The following SSUH2 variants were observed in gnomAD, a reference collection of about 807,000 sequenced individuals.
SSUH2 encodes ssu-2 homolog.
A neutral mutation model predicts 55.3 loss-of-function variants in SSUH2; 47 were observed. The ratio of observed to expected loss-of-function variants is 0.85; its 90% confidence interval spans 0.67 to 1.08. The LOEUF is 1.08. Ranked by LOEUF, SSUH2 falls within the 50% of genes least tolerant of loss-of-function variation. The pLI, the probability that SSUH2 is intolerant of heterozygous loss-of-function variation, is 0.00. For missense variants in SSUH2, 535 were observed against 490.7 expected, an observed-to-expected ratio of 1.09 and a Z score of -0.85; for synonymous variants, 212 against 191.5, an observed-to-expected ratio of 1.11 and a Z score of -0.89.
chr3:8,628,078 C>G (rs1164862766), intron 7 of SSUH2, among the ~76,000 whole-genome samples: 2 of 152,206 alleles, frequency 1.3e-5, no homozygotes, highest in African/African-American at 4.8e-5. Context: ...TGAGAGGAAG[C>G]TGGGACACAG....
intron 5 of SSUH2, 141 bp downstream of exon 5, chr3:8,631,908 T>C (rs574062805): frequency 1.5e-6 from 1 of 645,434 alleles, no homozygotes; most frequent in Non-Finnish European, 2.8e-6. Context: ...ATCCTCTCAT[T>C]TTGCAGGGGG....
intron 7 of SSUH2, among the ~76,000 whole-genome samples, chr3:8,628,911 A>G (rs952959936): frequency 1.3e-5 from 2 of 152,200 alleles, no homozygotes; most frequent in African/African-American, 4.8e-5. Context: ...GCGGGAGTGC[A>G]GTGGCACGTT....
chr3:8,630,958 T>A lies in SSUH2; in HGVS notation c.401-29A>T, dbSNP rs1575108174. 5.9e-6 allele frequency: 8 copies of A among 1,350,886 alleles called. No individual in the cohort carries two copies. In the East Asian group the frequency reaches 2.2e-4, roughly 38 times the overall value. The allele number at this position is 1,350,886 out of a possible 1,614,324, so 83.7% of individuals were successfully genotyped here. On this transcript the variant is annotated intron_variant, in intron 5 of 11. Transcript: ENST00000544814. The stretch of plus-strand genomic sequence containing the variant: ...ACACAGAAAGGGGTCATTGTAAGAA[T>A]GACGAAGGGCAGCAGGGATAAACTT...
intron 3 of SSUH2, among the ~76,000 whole-genome samples, chr3:8,672,875 T>C (rs56403253): frequency 0.033 from 5,076 of 152,162 alleles, 284 homozygotes; most frequent in African/African-American, 0.11. Flanking sequence ...CTGGAGATGA[T>C]ATTCGGATCA....
intron 7 of SSUH2, among the ~76,000 whole-genome samples, chr3:8,658,540 G>T (rs191328640): frequency 9.1e-4 from 138 of 152,304 alleles, no homozygotes; most frequent in African/African-American, 3.2e-3. Flanking sequence ...GCATTCTTGG[G>T]CTCCCCAAGG....
At chr3:8,636,712 C>A (rs550515310) in intron 1 of SSUH2, among the ~76,000 whole-genome samples, 1 of 152,148 alleles carries the variant, frequency 6.6e-6, no homozygotes, top group Non-Finnish European at 1.5e-5. Flanking sequence ...AAACGTCAGA[C>A]CTGCATTGCA....
At chr3:8,642,729 T>C (rs891654829) in intron 1 of SSUH2, among the ~76,000 whole-genome samples, 1 of 152,220 alleles carries the variant, frequency 6.6e-6, no homozygotes, top group Non-Finnish European at 1.5e-5. Flanking sequence ...GACAACACTA[T>C]AGTGCCTGGA....
chr3:8,656,838 A>C (rs972126382), intron 7 of SSUH2, among the ~76,000 whole-genome samples: 1 of 151,388 alleles, frequency 6.6e-6, no homozygotes, highest in African/African-American at 2.4e-5. Context: ...CTTCCATGGG[A>C]TTTACCACTC....
chr3:8,646,065 T>C (rs930199864), upstream of SSUH2, among the ~76,000 whole-genome samples: 5 of 152,194 alleles, frequency 3.3e-5, no homozygotes, highest in South Asian at 2.1e-4. Flanking sequence ...ATGTGGTCTT[T>C]TGATGCCTTT....
At chr3:8,649,388 T>C (rs1702124830), upstream of SSUH2, among the ~76,000 whole-genome samples, 1 of 152,102 alleles carries the variant, frequency 6.6e-6, no homozygotes, top group Non-Finnish European at 1.5e-5. Context: ...TATCAGGGTG[T>C]CTGGACCCAT....
At chr3:8,671,114 C>G (rs1369435112) in exon 5 of SSUH2, 3 of 259,822 alleles carry the variant, frequency 1.2e-5, no homozygotes, top group Non-Finnish European at 2.6e-5. Context: ...AATTTGATGG[C>G]AGGGTCTACA....
At chr3:8,628,719 C>T (rs149574427) in intron 7 of SSUH2, among the ~76,000 whole-genome samples, 1 of 152,358 alleles carries the variant, frequency 6.6e-6, no homozygotes, top group Non-Finnish European at 1.5e-5. Flanking sequence ...CGGCCCGCAG[C>T]TCCCAGAAGC....
intron 1 of SSUH2, among the ~76,000 whole-genome samples, chr3:8,642,824 C>T (rs1002161237): frequency 3.3e-5 from 5 of 152,156 alleles, no homozygotes; most frequent in African/African-American, 1.2e-4. Flanking sequence ...AGCAGGCTCC[C>T]TTTCTGACAC....
chr3:8,680,990 G>A (rs1705895149), intron 1 of SSUH2, among the ~76,000 whole-genome samples: 1 of 151,482 alleles, frequency 6.6e-6, no homozygotes, highest in Non-Finnish European at 1.5e-5. Flanking sequence ...CTGGCTCTTA[G>A]GACCCCCATC....
At chr3:8,632,473 C>T (rs1698990824) in intron 4 of SSUH2, among the ~76,000 whole-genome samples, 2 of 152,232 alleles carry the variant, frequency 1.3e-5, no homozygotes, top group Non-Finnish European at 2.9e-5. Context: ...GAATTTATCT[C>T]CCTGATATCA....
intron 10 of SSUH2, 104 bp from the exon 11 acceptor site, chr3:8,623,760 G>A: frequency 1.6e-6 from 1 of 606,094 alleles, no homozygotes; most frequent in Non-Finnish European, 2.9e-6. Context: ...ACAGAGAAGG[G>A]GGCTGAGAGA....
upstream of SSUH2, among the ~76,000 whole-genome samples, chr3:8,647,535 C>T (rs987932003): frequency 6.6e-6 from 1 of 151,796 alleles, no homozygotes. Flanking sequence ...CCTGAAGGAC[C>T]GTGGTGAGGA....
chr3:8,664,497 G>A (rs1166217073), intron 5 of SSUH2, among the ~76,000 whole-genome samples: 1 of 152,090 alleles, frequency 6.6e-6, no homozygotes, highest in East Asian at 1.9e-4. Context: ...CCACATTTAT[G>A]CCTTTAAAAA....
intron 5 of SSUH2, among the ~76,000 whole-genome samples, chr3:8,668,642 T>C (rs1375983065): frequency 6.6e-6 from 1 of 152,234 alleles, no homozygotes; most frequent in East Asian, 1.9e-4. Context: ...TTTTCCTTTA[T>C]TAGGGATGAA....
Sources: gnomAD v4.1 joint callset for allele counts (sites outside exome capture counted in the v4.1 genomes callset) on GRCh38, gnomAD v4.1.1 for gene constraint, MANE v1.5 for transcripts, NCBI Gene and HGNC (gene_info 2026-07-23, HGNC 2026-07-21) for gene names.